The following TMTC2 variants were observed in gnomAD, a reference collection of about 807,000 sequenced individuals.
TMTC2 encodes the protein transmembrane O-mannosyltransferase targeting cadherins 2.
TMTC2 carries 43 observed loss-of-function variants against 82.4 expected under a neutral mutation model. The observed-to-expected ratio is 0.52, with a 90% CI of 0.41 to 0.67. The LOEUF (loss-of-function observed/expected upper bound fraction) is 0.67, where lower values mean the gene tolerates loss of function less well. TMTC2 is among the 30% of genes least tolerant of loss of function. The probability of loss-of-function intolerance (pLI) is 0.00; values close to 1 mark genes in which losing one functional copy is unlikely to be tolerated. For missense variants in TMTC2, 919 were observed against 1,012.4 expected (o/e 0.91, Z 1.25); for synonymous variants, 408 against 381.9 (o/e 1.07, Z -0.80).
At position 82,687,519 on chromosome 12, in the gene TMTC2, G is replaced by C; in HGVS notation, c.-68G>C. 6.9e-7 allele frequency: 1 copy of C among 1,459,518 alleles called. No homozygotes were observed. Among genetic ancestry groups the C allele is most frequent in the Non-Finnish European group, 9.4e-7 (1 of 1,060,378 alleles). The allele number at this position is 1,459,518 out of a possible 1,614,324, so 90.4% of individuals were successfully genotyped here. Reference sequence around the variant, plus strand: ...AAGGCGGCGGAAGGTGGAGATTGATGCTTCTGTTTTTTGTTGCCGCTGCTG... The same window carrying C: ...AAGGCGGCGGAAGGTGGAGATTGATCCTTCTGTTTTTTGTTGCCGCTGCTG... On this transcript the variant is annotated 5_prime_UTR_variant, in exon 1 of 12. It removes an upstream start codon present in the reference 5' UTR. Coordinates refer to ENST00000321196, the MANE Select transcript of TMTC2 (RefSeq NM_152588.3).
At chr12:83,122,130 C>T (rs779226467) in intron 11 of TMTC2, among the ~76,000 whole-genome samples, 73 of 151,822 alleles carry the variant, frequency 4.8e-4, no homozygotes, top group Admixed American at 4.6e-4. Flanking sequence ...AGTGGCCAAG[C>T]AGGGCTGAGA....
At chr12:82,962,341 G>C (rs943930310) in intron 4 of TMTC2, among the ~76,000 whole-genome samples, 4 of 151,950 alleles carry the variant, frequency 2.6e-5, no homozygotes, top group South Asian at 2.1e-4. Context: ...ATTATGTGGA[G>C]ACTAATTAGT....
At chr12:82,746,971 A>C (rs1400010926) in intron 1 of TMTC2, among the ~76,000 whole-genome samples, 1 of 152,206 alleles carries the variant, frequency 6.6e-6, no homozygotes, top group Non-Finnish European at 1.5e-5. Flanking sequence ...ATGATCATGG[A>C]AGTAGATTCT....
At chr12:82,730,253 C>G (rs990631811) in intron 1 of TMTC2, among the ~76,000 whole-genome samples, 2 of 127,166 alleles carry the variant, frequency 1.6e-5, no homozygotes, top group Non-Finnish European at 3.1e-5. Context: ...CAAGATTGCG[C>G]TACTGCACTC....
intron 1 of TMTC2, among the ~76,000 whole-genome samples, chr12:82,788,187 A>G (rs1878278579): frequency 6.6e-6 from 1 of 152,090 alleles, no homozygotes; most frequent in East Asian, 1.9e-4. Flanking sequence ...AAAAATATGT[A>G]TTATTTTGGC....
chr12:82,986,183 C>A, intron 8 of TMTC2, 137 bp downstream of exon 8: 1 of 1,192,010 alleles, frequency 8.4e-7, no homozygotes, highest in Non-Finnish European at 1.2e-6. Context: ...ACTTTGAACC[C>A]TGTACAGAAA....
At chr12:83,003,123 G>T (rs1880001793) in intron 8 of TMTC2, among the ~76,000 whole-genome samples, 1 of 152,026 alleles carries the variant, frequency 6.6e-6, no homozygotes, top group African/African-American at 2.4e-5. Context: ...TATATATTTA[G>T]GATAGTTAAG....
At chr12:83,060,711 G>A (rs1882709459) in intron 10 of TMTC2, among the ~76,000 whole-genome samples, 1 of 151,634 alleles carries the variant, frequency 6.6e-6, no homozygotes, top group Admixed American at 6.6e-5. Flanking sequence ...CTTATTACCT[G>A]CCATCTTAGA....
At chr12:82,958,040 C>G (rs1300705502) in intron 4 of TMTC2, among the ~76,000 whole-genome samples, 1 of 151,944 alleles carries the variant, frequency 6.6e-6, no homozygotes, top group Non-Finnish European at 1.5e-5. Context: ...CCAGCATCAC[C>G]CTGATACCAA....
intron 2 of TMTC2, among the ~76,000 whole-genome samples, chr12:82,857,842 C>G (rs1871338889): frequency 1.3e-5 from 2 of 152,088 alleles, no homozygotes; most frequent in Non-Finnish European, 1.5e-5. Context: ...AGAATATGCA[C>G]CTTTATTATT....
intron 3 of TMTC2, among the ~76,000 whole-genome samples, chr12:82,919,879 G>A (rs1040822399): frequency 6.6e-6 from 1 of 152,102 alleles, no homozygotes; most frequent in Non-Finnish European, 1.5e-5. Flanking sequence ...CCACATTTCC[G>A]CTCTCTCAGA....
chr12:82,785,401 T>G (rs941789438), intron 1 of TMTC2, among the ~76,000 whole-genome samples: 6 of 18,028 alleles, frequency 3.3e-4, no homozygotes, highest in Non-Finnish European at 5.6e-4. Context: ...AATAACAAAA[T>G]AAAAACAAAC....
chr12:82,825,549 C>T (rs937214849), intron 1 of TMTC2, among the ~76,000 whole-genome samples: 2 of 152,136 alleles, frequency 1.3e-5, no homozygotes, highest in Non-Finnish European at 2.9e-5. Context: ...TAGGTAATTG[C>T]TTCCTTTTCT....
intron 11 of TMTC2, among the ~76,000 whole-genome samples, chr12:83,126,327 G>C (rs1464801782): frequency 6.6e-6 from 1 of 152,072 alleles, no homozygotes; most frequent in Non-Finnish European, 1.5e-5. Flanking sequence ...GATAGGGAGA[G>C]AGATTTAGGG....
intron 4 of TMTC2, among the ~76,000 whole-genome samples, chr12:82,945,894 A>C (rs1157534852): frequency 6.6e-6 from 1 of 152,208 alleles, no homozygotes; most frequent in Non-Finnish European, 1.5e-5. Context: ...TTTGAAGGAC[A>C]TCTGGATATT....
intron 8 of TMTC2, among the ~76,000 whole-genome samples, chr12:82,991,011 G>C (rs189059138): frequency 6.6e-6 from 1 of 152,128 alleles, no homozygotes; most frequent in Admixed American, 6.6e-5. Context: ...CAAGAGGGGC[G>C]TGCATCTCTT....
At chr12:82,903,116 C>T (rs1874108307) in intron 3 of TMTC2, among the ~76,000 whole-genome samples, 1 of 152,120 alleles carries the variant, frequency 6.6e-6, no homozygotes, top group Non-Finnish European at 1.5e-5. Flanking sequence ...AATGTGTTCT[C>T]CTGGTTATTC....
At chr12:82,771,567 C>T (rs1877312923) in intron 1 of TMTC2, among the ~76,000 whole-genome samples, 1 of 152,122 alleles carries the variant, frequency 6.6e-6, no homozygotes, top group Admixed American at 6.5e-5. Context: ...TGCTTTCAAA[C>T]CAGTCCTTAA....
intron 1 of TMTC2, among the ~76,000 whole-genome samples, chr12:82,840,984 T>C (rs1870302405): frequency 6.6e-6 from 1 of 152,170 alleles, no homozygotes. Flanking sequence ...TTCACTATGT[T>C]GGCCAGGCTG....
Sources: allele counts gnomAD v4.1 joint callset (sites outside exome capture counted in the v4.1 genomes callset), GRCh38; gene constraint gnomAD v4.1.1; transcripts MANE v1.5; gene names NCBI Gene and HGNC (gene_info 2026-07-23, HGNC 2026-07-21).